WDR27: variants seen among roughly 807,000 people sequenced by gnomAD.
WDR27 encodes WD repeat domain 27, also known as WD repeat-containing protein 27.
Under a neutral mutation model 114.4 loss-of-function variants are expected in WDR27, and 100 were observed. The observed-to-expected ratio is 0.87, with a 90% CI of 0.74 to 1.03. The LOEUF (loss-of-function observed/expected upper bound fraction) is 1.03. Ranked by LOEUF, WDR27 falls within the 50% of genes least tolerant of loss-of-function variation. The probability of loss-of-function intolerance (pLI) is 0.00; values close to 1 mark genes in which losing one functional copy is unlikely to be tolerated. For synonymous variants in WDR27, 449 were observed against 423.1 expected, an observed-to-expected ratio of 1.06 and a Z score of -0.75; for missense variants, 1,129 against 1,092.9, an observed-to-expected ratio of 1.03 and a Z score of -0.47.
intron 5 of WDR27, 65 bp downstream of exon 5, chr6:169,667,917 C>G: frequency 6.8e-7 from 1 of 1,466,338 alleles, no homozygotes; most frequent in Admixed American, 2.2e-5. Flanking sequence ...CGCACAGCTC[C>G]CGTCACCACA....
chr6:169,616,003 C>T (rs1028929716), intron 21 of WDR27, among the ~76,000 whole-genome samples: 7 of 147,582 alleles, frequency 4.7e-5, no homozygotes, highest in Admixed American at 2.0e-4. Flanking sequence ...ACAGCACACG[C>T]GAACTCTGAG....
chr6:169,580,839 TA>T (rs1234782118), intron 24 of WDR27, among the ~76,000 whole-genome samples: 1 of 151,266 alleles, frequency 6.6e-6, no homozygotes, highest in Non-Finnish European at 1.5e-5. Context: ...GAAAGTGGAC[TA>T]ATATCAGTAA....
intron 21 of WDR27, among the ~76,000 whole-genome samples, chr6:169,622,841 G>A (rs543849321): frequency 2.0e-5 from 3 of 152,306 alleles, no homozygotes; most frequent in East Asian, 1.9e-4. Context: ...CCTCCAAGCC[G>A]TCCTTTTCAT....
At chr6:169,526,253 T>C (rs1794960407) in intron 25 of WDR27, among the ~76,000 whole-genome samples, 1 of 152,212 alleles carries the variant, frequency 6.6e-6, no homozygotes, top group Admixed American at 6.5e-5. Context: ...ATAAAACTCT[T>C]GGAACATAGG....
rs1023008239 is a variant in WDR27, at chr6:169,611,503, A to C, written c.2321+2056T>G. Among the ~76,000 whole-genome samples, 129 of 151,956 alleles carry C rather than the reference A, an allele frequency of 8.5e-4. 1 individual carries two copies. The highest frequency in any genetic ancestry group is 3.1e-3 in the African/African-American group (128 of 41,472). ...GTATTTTTAGTAGAGATGCGGTTTC[A>C]CCATGTTGGCCAGGCTGGTCTCAAA... On this transcript the variant is annotated intron_variant, in intron 22 of 25. Coordinates refer to ENST00000448612, the MANE Select transcript of WDR27 (RefSeq NM_182552.5).
At chr6:169,581,724 A>G (rs185818896) in intron 24 of WDR27, among the ~76,000 whole-genome samples, 141 of 152,362 alleles carry the variant, frequency 9.3e-4, no homozygotes, top group Non-Finnish European at 1.5e-3. Flanking sequence ...CCAATATTCA[A>G]TATTATTCAA....
intron 1 of WDR27, among the ~76,000 whole-genome samples, chr6:169,699,437 A>G (rs908258750): frequency 1.3e-5 from 2 of 152,220 alleles, no homozygotes; most frequent in African/African-American, 4.8e-5. Context: ...GAAGAACGAC[A>G]ATGGCATCAC....
At chr6:169,558,510 C>T (rs978144610) in intron 25 of WDR27, 10 of 152,152 alleles carry the variant, frequency 6.6e-5, no homozygotes, top group African/African-American at 2.4e-4. Flanking sequence ...AATGGAGACC[C>T]GGAGCACAGG....
At chr6:169,559,128 C>T (rs1799314315) in intron 25 of WDR27, 1 of 152,190 alleles carries the variant, frequency 6.6e-6, no homozygotes, top group Non-Finnish European at 1.5e-5. Flanking sequence ...CCCTTATGTT[C>T]TCATTGTCTT....
At chr6:169,653,371 G>A (rs968832469) in intron 13 of WDR27, among the ~76,000 whole-genome samples, 11 of 152,240 alleles carry the variant, frequency 7.2e-5, no homozygotes, top group African/African-American at 2.4e-4. Context: ...TGAGGGTATG[G>A]AATCCCACTG....
At chr6:169,456,955 A>G (rs1163782707), downstream of WDR27, among the ~76,000 whole-genome samples, 5 of 150,868 alleles carry the variant, frequency 3.3e-5, 2 homozygotes, top group East Asian at 9.8e-4. This position sits in a 1 kb window ranked among gnomAD's most constrained non-coding sequence, Gnocchi z 4.0. Flanking sequence ...CACACTCACC[A>G]AGCAGAACCC....
intron 24 of WDR27, among the ~76,000 whole-genome samples, chr6:169,578,605 C>T (rs1045611292): frequency 2.0e-5 from 3 of 152,172 alleles, no homozygotes; most frequent in Admixed American, 6.5e-5. Flanking sequence ...GATGCTGGTG[C>T]AAACTCTGAA....
chr6:169,449,759 C>T, the WDR27 span, among the ~76,000 whole-genome samples: 5 of 152,126 alleles, frequency 3.3e-5, no homozygotes, highest in South Asian at 2.1e-4. Flanking sequence ...GTGAGCATCC[C>T]GACCTAGGAA....
intron 15 of WDR27, among the ~76,000 whole-genome samples, chr6:169,648,918 G>A (rs1239980968): frequency 6.6e-6 from 1 of 152,242 alleles, no homozygotes; most frequent in Non-Finnish European, 1.5e-5. Flanking sequence ...ATGACAGGGA[G>A]GAGCATCGGC....
intron 1 of WDR27, among the ~76,000 whole-genome samples, chr6:169,692,178 A>C (rs1049328836): frequency 8.5e-5 from 13 of 152,238 alleles, no homozygotes; most frequent in Middle Eastern, 3.2e-3. Flanking sequence ...ATAAAAGTAG[A>C]AGCAGCAGTG....
chr6:169,584,594 C>T (rs1281384406), intron 23 of WDR27, among the ~76,000 whole-genome samples: 2 of 152,190 alleles, frequency 1.3e-5, no homozygotes, highest in Non-Finnish European at 2.9e-5. Flanking sequence ...TTGATAACAG[C>T]CATCCTTACA....
intron 16 of WDR27, among the ~76,000 whole-genome samples, chr6:169,644,728 G>GTTCACACGA (rs1156306667): frequency 5.3e-4 from 64 of 121,102 alleles, no homozygotes; most frequent in Admixed American, 7.7e-4. Flanking sequence ...GAAAATCCTA[G>GTTCACACGA]GCCGGGCGCG....
In WDR27 at chr6:169,659,929, G is replaced by A. The variant is rs1466079263; in HGVS notation, c.1130-411C>T. Among the ~76,000 whole-genome samples the A allele has an allele frequency of 6.6e-6, 1 of 151,960 alleles. No individual in the cohort carries two copies. Among genetic ancestry groups the A allele is most frequent in the Non-Finnish European group, 1.5e-5 (1 of 68,006 alleles). ...CTGCGCCTGGCTGAGCTGGGGAGGG[G>A]CAGGGATGGGCGGCTGAAGGGAAGG... is the stretch of plus-strand genomic sequence containing the variant. On this transcript the variant is annotated intron_variant, in intron 10 of 25. Coordinates refer to ENST00000448612, the MANE Select transcript of WDR27 (RefSeq NM_182552.5). This position sits in a 1 kb window ranked among gnomAD's most constrained non-coding sequence, Gnocchi z 4.3.
rs553322989 is a variant in WDR27 at position 169,531,055 on chromosome 6, T to A, written c.2645+41364A>T. 1.3e-4 allele frequency among the ~76,000 whole-genome samples: 20 copies of A among 152,310 alleles called. No individual in the cohort carries two copies. The South Asian group carries it at 1.5e-3, about 11-fold the overall frequency. On this transcript the variant is annotated intron_variant, in intron 25 of 25. Coordinates refer to ENST00000448612, the MANE Select transcript of WDR27 (RefSeq NM_182552.5). Reference sequence around the variant, plus strand: ...ATGTTGTCTGTGTTTTTCACTAGATTAAGGTCCATGAAAACAGAATCTTGG... The same window carrying A: ...ATGTTGTCTGTGTTTTTCACTAGATAAAGGTCCATGAAAACAGAATCTTGG...
Sources: allele counts gnomAD v4.1 joint callset (sites outside exome capture counted in the v4.1 genomes callset), GRCh38; gene constraint gnomAD v4.1.1; non-coding constraint Gnocchi (gnomAD v3.1); transcripts MANE v1.5; gene names NCBI Gene and HGNC (gene_info 2026-07-23, HGNC 2026-07-21).